Variants in FNIP1 observed in about 807,000 individuals in gnomAD.
FNIP1 encodes folliculin interacting protein 1.
A neutral mutation model predicts 124.5 loss-of-function variants in FNIP1; 40 were observed. The ratio of observed to expected loss-of-function variants is 0.32; its 90% confidence interval spans 0.25 to 0.42. The LOEUF (loss-of-function observed/expected upper bound fraction) is 0.42, where lower values mean the gene tolerates loss of function less well. Among genes scored for constraint, FNIP1 ranks in the 10% least tolerant of loss-of-function variants. The probability of loss-of-function intolerance (pLI) is 1.00; values close to 1 mark genes in which losing one functional copy is unlikely to be tolerated. For missense variants in FNIP1, 1,176 were observed against 1,403.7 expected, an observed-to-expected ratio of 0.84 and a Z score of 2.59; for synonymous variants, 472 against 470.6, an observed-to-expected ratio of 1.00 and a Z score of -0.04.
chr5:131,746,077 T>C (rs543508010), intron 1 of FNIP1, among the ~76,000 whole-genome samples: 2 of 152,320 alleles, frequency 1.3e-5, no homozygotes, highest in African/African-American at 2.4e-5. Context: ...TATGTACTTT[T>C]ACATATCCAT....
chr5:131,781,929 T>A (rs1048436251), intron 1 of FNIP1, among the ~76,000 whole-genome samples: 3 of 151,996 alleles, frequency 2.0e-5, no homozygotes, highest in African/African-American at 7.2e-5. Flanking sequence ...AAGGCCAAGG[T>A]GGGAAGACTG....
chr5:131,704,101 T>C lies in FNIP1; in HGVS notation c.1080A>G (p.Glu360=), dbSNP rs1214464645. The C allele has an allele frequency of 6.2e-7, 1 of 1,612,250 alleles. No individual in the cohort carries two copies. The highest frequency in any genetic ancestry group is 1.3e-5 in the African/African-American group (1 of 74,870). ...EFFFSHFPLF[E]SHMNKLKSAI... ...CACTCTTTAATTTGTTCATGTGGCTTTCAAAGAGAGGAAAATGTGAAAAAA... is the reference window on the plus strand; with the variant it reads ...CACTCTTTAATTTGTTCATGTGGCTCTCAAAGAGAGGAAAATGTGAAAAAA... The change falls in exon 10 of 18, where the codon GAA becomes GAG. Residue 360 remains glutamate, a synonymous_variant. Transcript: ENST00000510461.
chr5:131,668,914 A>G (rs774459303), intron 15 of FNIP1, among the ~76,000 whole-genome samples: 2 of 152,230 alleles, frequency 1.3e-5, no homozygotes, highest in Non-Finnish European at 2.9e-5. Context: ...GGCAAAAAAT[A>G]TATACAATTT....
intron 4 of FNIP1, 106 bp from the exon 5 acceptor site, chr5:131,719,166 G>C: frequency 8.4e-7 from 1 of 1,184,974 alleles, no homozygotes. Flanking sequence ...CAGCATAGCT[G>C]CAAGAGCCAT....
intron 2 of FNIP1, among the ~76,000 whole-genome samples, chr5:131,736,153 A>G (rs1249927405): frequency 1.3e-5 from 2 of 152,162 alleles, no homozygotes; most frequent in Non-Finnish European, 2.9e-5. Context: ...AGGTATTTCC[A>G]TGTATGTTTC....
At chr5:131,735,611 C>T (rs1180504563) in intron 2 of FNIP1, among the ~76,000 whole-genome samples, 1 of 147,672 alleles carries the variant, frequency 6.8e-6, no homozygotes, top group East Asian at 2.0e-4. Context: ...TATACATATA[C>T]ACATATTTAT....
At chr5:131,745,352 C>A (rs1046146392) in intron 1 of FNIP1, among the ~76,000 whole-genome samples, 1 of 151,938 alleles carries the variant, frequency 6.6e-6, no homozygotes, top group Admixed American at 6.6e-5. Flanking sequence ...GACCCTGTCT[C>A]TACAAAAAGT....
intron 1 of FNIP1, among the ~76,000 whole-genome samples, chr5:131,747,348 A>G (rs1246141884): frequency 6.6e-6 from 1 of 152,230 alleles, no homozygotes; most frequent in African/African-American, 2.4e-5. Context: ...AGAAAATATA[A>G]TTTTGGTTTT....
At chr5:131,735,396 C>T (rs924833467) in intron 2 of FNIP1, among the ~76,000 whole-genome samples, 2 of 151,384 alleles carry the variant, frequency 1.3e-5, no homozygotes. Context: ...CAACATGGGA[C>T]ATGTATAGAT....
In FNIP1 at chr5:131,793,286, G is replaced by T. The variant is rs566705037; in HGVS notation, c.92+3544C>A. On this transcript the variant is annotated intron_variant, in intron 1 of 17. Coordinates refer to ENST00000510461, the MANE Select transcript of FNIP1 (RefSeq NM_133372.3). Reference sequence around the variant, plus strand: ...TGGGCTCAAGCACTCCTCCCGCCATGGGCCTCCCAAAGTGCTGGGATTACA... The same window carrying T: ...TGGGCTCAAGCACTCCTCCCGCCATTGGCCTCCCAAAGTGCTGGGATTACA... Among the ~76,000 whole-genome samples the T allele has an allele frequency of 7.9e-5, 12 of 152,152 alleles. No individual in the cohort carries two copies. The South Asian group carries it at 2.5e-3, about 32-fold the overall frequency.
intron 11 of FNIP1, among the ~76,000 whole-genome samples, chr5:131,685,070 A>C (rs1768228514): frequency 6.6e-6 from 1 of 152,222 alleles, no homozygotes; most frequent in Non-Finnish European, 1.5e-5. Context: ...TATTAATAAT[A>C]ATTCTGGTGT....
At chr5:131,785,491 G>A (rs1257925035) in intron 1 of FNIP1, among the ~76,000 whole-genome samples, 1 of 151,876 alleles carries the variant, frequency 6.6e-6, no homozygotes, top group Non-Finnish European at 1.5e-5. Flanking sequence ...GGAGGCGGAG[G>A]TTGCAGTGAG....
intron 15 of FNIP1, among the ~76,000 whole-genome samples, chr5:131,659,879 C>T (rs1767366205): frequency 6.6e-6 from 1 of 152,176 alleles, no homozygotes; most frequent in South Asian, 2.1e-4. Flanking sequence ...TCCATGTCAT[C>T]CCAGTTGGTG....
chr5:131,699,637 C>T (rs1304003416), intron 10 of FNIP1, among the ~76,000 whole-genome samples: 3 of 151,890 alleles, frequency 2.0e-5, no homozygotes, highest in Non-Finnish European at 2.9e-5. Flanking sequence ...CGTGATCCAC[C>T]CACCTCAGCC....
chr5:131,698,832 T>C (rs1172562566), intron 11 of FNIP1, 85 bp downstream of exon 11: 6 of 1,203,130 alleles, frequency 5.0e-6, no homozygotes, highest in Non-Finnish European at 6.9e-6. Flanking sequence ...AGAAATCAAA[T>C]TTTATTAGAA....
chr5:131,758,661 C>G (rs186689618), intron 1 of FNIP1, among the ~76,000 whole-genome samples: 1 of 152,174 alleles, frequency 6.6e-6, no homozygotes, highest in Non-Finnish European at 1.5e-5. Flanking sequence ...AGTGTGTCAG[C>G]TTATCTGCTC....
intron 1 of FNIP1, among the ~76,000 whole-genome samples, chr5:131,771,240 TTGTC>T (rs1225120760): frequency 6.6e-6 from 1 of 152,206 alleles, no homozygotes; most frequent in Non-Finnish European, 1.5e-5. Flanking sequence ...TACATTATGA[TTGTC>T]TGTACCTCTA....
chr5:131,649,107 T>C (rs1766973341), intron 16 of FNIP1, among the ~76,000 whole-genome samples: 1 of 152,232 alleles, frequency 6.6e-6, no homozygotes, highest in African/African-American at 2.4e-5. Flanking sequence ...TTGAGAATAA[T>C]GTTTCTATGA....
At chr5:131,759,044 G>C (rs915337981) in intron 1 of FNIP1, among the ~76,000 whole-genome samples, 1 of 151,938 alleles carries the variant, frequency 6.6e-6, no homozygotes, top group East Asian at 1.9e-4. Context: ...AAGGTGCTGG[G>C]ATAACTGGCT....
Sources: gnomAD v4.1 joint callset for allele counts (sites outside exome capture counted in the v4.1 genomes callset) on GRCh38, gnomAD v4.1.1 for gene constraint, MANE v1.5 for transcripts, NCBI Gene and HGNC (gene_info 2026-07-23, HGNC 2026-07-21) for gene names.